The following FAXC variants were observed in gnomAD, a reference collection of about 807,000 sequenced individuals.
FAXC encodes the protein failed axon connections homolog.
FAXC carries 10 observed loss-of-function variants against 41.9 expected under a neutral mutation model. The observed-to-expected ratio is 0.24, with a 90% confidence interval of 0.15 to 0.41. The LOEUF (loss-of-function observed/expected upper bound fraction) is 0.41, where lower values mean the gene tolerates loss of function less well. FAXC is among the 10% of genes least tolerant of loss of function. FAXC has a pLI of 1.00. For synonymous variants in FAXC, 183 were observed against 183.8 expected (o/e 1.00, Z 0.03); for missense variants, 399 against 510.9 (o/e 0.78, Z 2.11).
intron 4 of FAXC, among the ~76,000 whole-genome samples, chr6:99,320,945 G>A (rs1194200772): frequency 3.9e-5 from 6 of 152,178 alleles, no homozygotes; most frequent in Admixed American, 2.0e-4. Context: ...GCAGAGGTCC[G>A]CAAACTTCTG....
At chr6:99,310,358 T>C (rs1172305017) in intron 4 of FAXC, among the ~76,000 whole-genome samples, 2 of 152,198 alleles carry the variant, frequency 1.3e-5, no homozygotes, top group African/African-American at 4.8e-5. Context: ...CTGCCCTATA[T>C]TGGGTTACAG....
At chr6:99,309,202 T>C (rs1772057968) in intron 4 of FAXC, among the ~76,000 whole-genome samples, 1 of 152,096 alleles carries the variant, frequency 6.6e-6, no homozygotes, top group African/African-American at 2.4e-5. Context: ...TGATGCTATC[T>C]TGTAAGGGTT....
intron 3 of FAXC, among the ~76,000 whole-genome samples, chr6:99,327,138 T>C (rs1185131018): frequency 6.6e-6 from 1 of 152,192 alleles, no homozygotes; most frequent in Non-Finnish European, 1.5e-5. Flanking sequence ...TCTCTTTCAC[T>C]CTCTGTGCTC....
At chr6:99,343,163 T>C in intron 1 of FAXC, 130 bp from the exon 2 acceptor site, 1 of 750,032 alleles carries the variant, frequency 1.3e-6, no homozygotes, top group Non-Finnish European at 2.1e-6. Flanking sequence ...CACAGGGGCT[T>C]ACATCACCCA....
In FAXC at chr6:99,272,949, C is replaced by G. The variant is rs1036398549; in HGVS notation, c.*8215G>C. The G allele has an allele frequency of 6.6e-6, 1 of 152,190 alleles. No homozygotes were observed. Among genetic ancestry groups the G allele is most frequent in the African/African-American group, 2.4e-5 (1 of 41,442 alleles). 9.4% of individuals were successfully genotyped at this position (152,190 alleles called of 1,614,324 possible). A position where few individuals can be genotyped will look rare whatever the true frequency, so the allele number is the denominator to read the frequency against. ...TATCCATTAGTTATCATTTACACATCAAATACATATAGCATTAAGACCAAA... is the reference window on the plus strand; with the variant it reads ...TATCCATTAGTTATCATTTACACATGAAATACATATAGCATTAAGACCAAA... On this transcript the variant is annotated 3_prime_UTR_variant, in exon 6 of 6. Coordinates refer to ENST00000389677, the MANE Select transcript of FAXC (RefSeq NM_032511.4).
chr6:99,290,010 AG>A, intron 5 of FAXC, among the ~76,000 whole-genome samples: 1 of 151,854 alleles, frequency 6.6e-6, no homozygotes, highest in Admixed American at 6.6e-5. Context: ...CTACTGAACA[AG>A]TATTGTTTTT....
intron 2 of FAXC, chr6:99,334,521 C>T: frequency 7.2e-6 from 4 of 555,162 alleles, no homozygotes; most frequent in Non-Finnish European, 9.2e-6. Flanking sequence ...CTGATGTTAC[C>T]CCAGGAGAAA....
At chr6:99,287,562 T>A (rs925580587) in intron 5 of FAXC, among the ~76,000 whole-genome samples, 1 of 152,216 alleles carries the variant, frequency 6.6e-6, no homozygotes, top group Non-Finnish European at 1.5e-5. Context: ...TGTGGCTTTA[T>A]AAATAATATG....
At position 99,279,345 on chromosome 6, in the gene FAXC, T is replaced by C. The variant is rs570929603; in HGVS notation, c.*1819A>G. The C allele has an allele frequency of 2.0e-5, 3 of 152,270 alleles. No homozygotes were observed. Among genetic ancestry groups the C allele is most frequent in the Non-Finnish European group, 2.9e-5 (2 of 68,026 alleles). The allele number at this position is 152,270 out of a possible 1,614,324, so 9.4% of individuals were successfully genotyped here. A position where few individuals can be genotyped will look rare whatever the true frequency, so the allele number is the denominator to read the frequency against. On this transcript the variant is annotated 3_prime_UTR_variant, in exon 6 of 6. Coordinates refer to ENST00000389677, the MANE Select transcript of FAXC (RefSeq NM_032511.4). ...ATCTCAGCACGTATTCCCAGTTACA[T>C]ATGCCCTACACAATTGCTTAAGTGG... is the stretch of plus-strand genomic sequence containing the variant.
At chr6:99,292,864 T>C (rs1429241635) in intron 4 of FAXC, among the ~76,000 whole-genome samples, 1 of 152,168 alleles carries the variant, frequency 6.6e-6, no homozygotes, top group Non-Finnish European at 1.5e-5. Context: ...TGGAGTGCAG[T>C]GGCATTATCT....
chr6:99,313,951 G>A (rs1224433752), intron 4 of FAXC, among the ~76,000 whole-genome samples: 1 of 152,122 alleles, frequency 6.6e-6, no homozygotes, highest in Admixed American at 6.5e-5. Context: ...CTCCAACTCT[G>A]TGAATGGCTA....
chr6:99,298,773 AT>A (rs1458050245), intron 4 of FAXC, among the ~76,000 whole-genome samples: 2 of 152,202 alleles, frequency 1.3e-5, no homozygotes, highest in Non-Finnish European at 2.9e-5. Flanking sequence ...ATGTGAAAGC[AT>A]TTTGCAAGCT....
chr6:99,316,769 C>G (rs1261318360), intron 4 of FAXC, among the ~76,000 whole-genome samples: 1 of 152,182 alleles, frequency 6.6e-6, no homozygotes, highest in East Asian at 1.9e-4. Context: ...ATATTTTCAC[C>G]TTCCATGAAC....
intron 4 of FAXC, among the ~76,000 whole-genome samples, chr6:99,313,625 A>C (rs1460597305): frequency 6.6e-6 from 1 of 152,208 alleles, no homozygotes; most frequent in South Asian, 2.1e-4. Flanking sequence ...AACTTTCCTA[A>C]GCTCAACATT....
At chr6:99,315,261 AAC>A (rs569766500) in intron 4 of FAXC, among the ~76,000 whole-genome samples, 13,588 of 39,430 alleles carry the variant, frequency 0.34, 4,109 homozygotes, top group South Asian at 0.51. Context: ...AAAAAAAAAA[AAC>A]CAGTAAATGT....
Position 99,276,710 on chromosome 6 carries a change from G to A in FAXC, c.*4454C>T, listed in dbSNP as rs150348618. The A allele has an allele frequency of 6.6e-6, 1 of 152,250 alleles. No homozygotes were observed. Among genetic ancestry groups the A allele is most frequent in the Non-Finnish European group, 1.5e-5 (1 of 68,022 alleles). 9.4% of individuals were successfully genotyped at this position (152,250 alleles called of 1,614,324 possible). ...TTGGGAACAAGACTCTTTAACTGGG[G>A]TCCATTAACCCCCTGAGGAAACCAT... On this transcript the variant is annotated 3_prime_UTR_variant, in exon 6 of 6. Coordinates refer to ENST00000389677, the MANE Select transcript of FAXC (RefSeq NM_032511.4).
chr6:99,284,986 T>C (rs907440780), intron 5 of FAXC, among the ~76,000 whole-genome samples: 1 of 150,310 alleles, frequency 6.7e-6, no homozygotes, highest in Non-Finnish European at 1.5e-5. Context: ...CTTCAAAGTG[T>C]ACTCAACAAT....
At chr6:99,312,574 C>A (rs1439643864) in intron 4 of FAXC, among the ~76,000 whole-genome samples, 2 of 152,154 alleles carry the variant, frequency 1.3e-5, no homozygotes, top group Non-Finnish European at 2.9e-5. Context: ...GGAAAGTTGA[C>A]AACATAAGGG....
intron 1 of FAXC, among the ~76,000 whole-genome samples, chr6:99,348,323 T>G (rs139479903): frequency 1.3e-5 from 2 of 152,350 alleles, no homozygotes; most frequent in African/African-American, 4.8e-5. Flanking sequence ...CAGTGCCCTG[T>G]GGTATTACTC....
Sources: allele counts gnomAD v4.1 joint callset (sites outside exome capture counted in the v4.1 genomes callset), GRCh38; gene constraint gnomAD v4.1.1; transcripts MANE v1.5; gene names NCBI Gene and HGNC (gene_info 2026-07-23, HGNC 2026-07-21).